DNAH11: variants seen among roughly 807,000 people sequenced by gnomAD.
DNAH11 encodes the protein axonemal beta dynein heavy chain 11.
A neutral mutation model predicts 526.0 loss-of-function variants in DNAH11; 442 were observed. The ratio of observed to expected loss-of-function variants is 0.84; its 90% CI spans 0.78 to 0.91. DNAH11 has a LOEUF of 0.91. Among genes scored for constraint, DNAH11 ranks in the 40% least tolerant of loss-of-function variants. The pLI, the probability that DNAH11 is intolerant of heterozygous loss-of-function variation, is 0.00. For missense variants in DNAH11, 6,989 were observed against 5,448.7 expected, an observed-to-expected ratio of 1.28 and a Z score of -8.90; for synonymous variants, 2,461 against 1,935.9, an observed-to-expected ratio of 1.27 and a Z score of -7.12.
At position 21,599,850 on chromosome 7, in the gene DNAH11, A is replaced by G. The variant is rs1047144738; in HGVS notation, c.2731A>G (p.Ile911Val). The change falls in exon 15 of 82, where the codon ATT becomes GTT. Residue 911 changes from isoleucine to valine, a missense_variant. By Grantham distance (29) the Ile-to-Val change is conservative. Coordinates refer to ENST00000409508, the MANE Select transcript of DNAH11 (RefSeq NM_001277115.2). ...TACCTGGAAAATTTATGTAGAATTC[A>G]TTGACGACATTGTGGTGGAAGGCTT... The part of the protein sequence containing the change: ...LDTWKIYVEF[I>V]DDIVVEGFFQ... 3 of 1,604,340 alleles carry G rather than the reference A, an allele frequency of 1.9e-6. No individual in the cohort carries two copies. Among genetic ancestry groups the G allele is most frequent in the Admixed American group, 1.7e-5 (1 of 59,598 alleles).
At chr7:21,571,738 G>T in intron 7 of DNAH11, 68 bp from the exon 8 acceptor site, 1 of 1,222,126 alleles carries the variant, frequency 8.2e-7, no homozygotes, top group South Asian at 2.4e-5. Flanking sequence ...AAATGTTCTT[G>T]ATTTGAAACT....
chr7:21,702,530 GGAC>G (rs1784107842), intron 36 of DNAH11, among the ~76,000 whole-genome samples, 177 bp from the exon 37 acceptor site: 1 of 151,652 alleles, frequency 6.6e-6, no homozygotes, highest in Non-Finnish European at 1.5e-5. Flanking sequence ...GAAAGAAACA[GGAC>G]GACACTACAG....
intron 58 of DNAH11, among the ~76,000 whole-genome samples, chr7:21,785,148 C>T (rs1562544010): frequency 6.6e-6 from 1 of 152,308 alleles, no homozygotes; most frequent in East Asian, 1.9e-4. Flanking sequence ...CTGGGGTCTT[C>T]TGCCAGACCT....
At chr7:21,748,519 A>G (rs1786256285) in intron 51 of DNAH11, 61 bp from the exon 52 acceptor site, 2 of 1,369,584 alleles carry the variant, frequency 1.5e-6, no homozygotes, top group African/African-American at 3.0e-5. Flanking sequence ...AAATAAACAG[A>G]ACAGACATAG....
chr7:21,896,244 T>C (rs1784511181), intron 79 of DNAH11, among the ~76,000 whole-genome samples: 1 of 152,262 alleles, frequency 6.6e-6, no homozygotes, highest in South Asian at 2.1e-4. Flanking sequence ...GCTTTTCTTT[T>C]TTTATCAGAG....
intron 25 of DNAH11, among the ~76,000 whole-genome samples, chr7:21,622,963 C>A (rs1398988079): frequency 3.9e-5 from 6 of 152,148 alleles, no homozygotes; most frequent in African/African-American, 1.4e-4. Context: ...CCAAAATTGA[C>A]AAATGGGATC....
chr7:21,650,169 TGAAA>T lies in DNAH11; in HGVS notation c.4945-5658_4945-5655del, dbSNP rs563071204. 3.3e-5 allele frequency among the ~76,000 whole-genome samples: 5 copies of T among 152,292 alleles called. No homozygotes were observed. The South Asian group carries it at 8.3e-4, about 25-fold the overall frequency. ...ACAATTTATGCATGTAAACATTTTA[TGAAA>T]GAAACACCAAATCAACCTTATATGC... On this transcript the variant is annotated intron_variant, in intron 28 of 81. Coordinates refer to ENST00000409508, the MANE Select transcript of DNAH11 (RefSeq NM_001277115.2).
rs762841387 is a variant in DNAH11, at chr7:21,852,499, A to C, written c.10929A>C (p.Lys3643Asn). ...LVLTKHQNDF[K>N]IELKYLEDDL... ...TGACAAAGCACCAAAATGATTTTAA[A>C]ATTGAGCTCAAGTATCTGGAAGACG... Residue 3643 changes from lysine (K) to asparagine (N), a missense_variant, in exon 67 of 82, where the codon AAA (lysine) becomes AAC (asparagine). Physicochemically the swap from Lys to Asn is moderately conservative, Grantham distance 94 (BLOSUM62 0). Coordinates refer to ENST00000409508, the MANE Select transcript of DNAH11 (RefSeq NM_001277115.2). 3.1e-6 allele frequency: 5 copies of C among 1,613,782 alleles called. No homozygotes were observed. Among genetic ancestry groups the C allele is most frequent in the Non-Finnish European group, 4.2e-6 (5 of 1,179,788 alleles).
intron 68 of DNAH11, among the ~76,000 whole-genome samples, chr7:21,854,868 T>G (rs1782776143): frequency 1.3e-5 from 2 of 152,090 alleles, no homozygotes; most frequent in African/African-American, 2.4e-5. Flanking sequence ...GCCATCGGTG[T>G]ACCCAGTAAG....
chr7:21,820,732 A>C (rs1176688949), intron 65 of DNAH11, among the ~76,000 whole-genome samples: 1 of 151,936 alleles, frequency 6.6e-6, no homozygotes, highest in Non-Finnish European at 1.5e-5. Context: ...TCCTAAATAC[A>C]CTCAAGGGGC....
chr7:21,812,694 A>G (rs1184925861), intron 63 of DNAH11, among the ~76,000 whole-genome samples: 1 of 152,020 alleles, frequency 6.6e-6, no homozygotes, highest in Non-Finnish European at 1.5e-5. Flanking sequence ...GGAAGGGAGG[A>G]AAATGAACTC....
intron 27 of DNAH11, 58 bp from the exon 28 acceptor site, chr7:21,638,881 C>T (rs1022785527): frequency 2.1e-5 from 32 of 1,544,432 alleles, no homozygotes; most frequent in African/African-American, 1.4e-4. Flanking sequence ...TTTGTTTTGC[C>T]GAAGTTTTAA....
chr7:21,632,708 G>A (rs764952433), intron 25 of DNAH11, among the ~76,000 whole-genome samples: 37 of 152,132 alleles, frequency 2.4e-4, no homozygotes, highest in Admixed American at 1.3e-3. Flanking sequence ...GTCATTATCA[G>A]CATTTGGGTC....
rs1025014492 is a variant in DNAH11 at position 21,829,180 on chromosome 7, G to C, written c.10691+10841G>C. 2.6e-5 allele frequency among the ~76,000 whole-genome samples: 4 copies of C among 152,078 alleles called. No homozygotes were observed. In the East Asian group the frequency reaches 7.7e-4, roughly 29 times the overall value. ...TTTAAACAGCAGGATGTGCAGTAAGGCTTTTAGATGTCCATTGAAAAGTTT... is the reference window on the plus strand; with the variant it reads ...TTTAAACAGCAGGATGTGCAGTAAGCCTTTTAGATGTCCATTGAAAAGTTT... On this transcript the variant is annotated intron_variant, in intron 65 of 81. Coordinates refer to ENST00000409508, the MANE Select transcript of DNAH11 (RefSeq NM_001277115.2).
chr7:21,660,898 A>G (rs1391542626), intron 30 of DNAH11, among the ~76,000 whole-genome samples: 1 of 152,036 alleles, frequency 6.6e-6, no homozygotes, highest in Non-Finnish European at 1.5e-5. Context: ...TCATAAATAT[A>G]CATCAGATCC....
At position 21,852,449 on chromosome 7, in the gene DNAH11, T is replaced by C. The variant is rs1227741615; in HGVS notation, c.10897-18T>C. The C allele has an allele frequency of 5.6e-6, 9 of 1,600,458 alleles. No homozygotes were observed. In the South Asian group the frequency reaches 6.9e-5, roughly 12 times the overall value. ...GTACTTAACCACCATTTCCCACACT[T>C]TTCTTGGTTTTTATTAGTTGGTATT... On this transcript the variant is annotated intron_variant, in intron 66 of 81. Transcript: ENST00000409508.
At chr7:21,626,177 A>T (rs1259909577) in intron 25 of DNAH11, among the ~76,000 whole-genome samples, 3 of 151,998 alleles carry the variant, frequency 2.0e-5, no homozygotes, top group Admixed American at 6.6e-5. Context: ...CCCGCTTTTT[A>T]AAAAAAATTC....
intron 30 of DNAH11, among the ~76,000 whole-genome samples, chr7:21,667,887 C>A (rs1782481859): frequency 6.6e-6 from 1 of 151,906 alleles, no homozygotes; most frequent in Non-Finnish European, 1.5e-5. Flanking sequence ...TCAAGTAGAC[C>A]ATTAACGATG....
chr7:21,696,847 A>G (rs554841515), intron 35 of DNAH11, among the ~76,000 whole-genome samples: 1 of 152,312 alleles, frequency 6.6e-6, no homozygotes, highest in African/African-American at 2.4e-5. Context: ...GAGAGAGTGC[A>G]TAAAAAGATT....
Sources: allele counts gnomAD v4.1 joint callset (sites outside exome capture counted in the v4.1 genomes callset), GRCh38; gene constraint gnomAD v4.1.1; transcripts MANE v1.5; gene names NCBI Gene and HGNC (gene_info 2026-07-23, HGNC 2026-07-21).